Variants in RP1 observed in about 807,000 individuals in gnomAD.
RP1 encodes oxygen-regulated protein 1.
A neutral mutation model predicts 14.8 loss-of-function variants in RP1; 16 were observed. The ratio of observed to expected loss-of-function variants is 1.08; its 90% CI spans 0.73 to 1.65. The LOEUF is 1.65. Ranked by LOEUF, RP1 falls within the 40% of genes most tolerant of loss-of-function variation. The pLI is 0.00. For missense variants in RP1, 2,631 were observed against 2,535.0 expected, an observed-to-expected ratio of 1.04 and a Z score of -0.81; for synonymous variants, 876 against 883.6, an observed-to-expected ratio of 0.99 and a Z score of 0.15.
chr8:54,761,847 C>T (rs527819515), intron 22 of RP1, among the ~76,000 whole-genome samples: 3 of 152,220 alleles, frequency 2.0e-5, no homozygotes, highest in African/African-American at 7.2e-5. Flanking sequence ...GAGACAGTTC[C>T]TACTTCCTTA....
intron 16 of RP1, among the ~76,000 whole-genome samples, chr8:54,725,404 T>C (rs1201725715): frequency 1.3e-5 from 2 of 152,192 alleles, no homozygotes; most frequent in Non-Finnish European, 2.9e-5. Flanking sequence ...AAGCTTATTA[T>C]TGTCTGAAAT....
intron 3 of RP1, 90 bp downstream of exon 3, chr8:54,622,378 T>A: frequency 9.4e-7 from 1 of 1,067,806 alleles, no homozygotes; most frequent in South Asian, 1.3e-5. Context: ...CAATGACCAG[T>A]TTCTTCCACC....
At chr8:54,711,111 A>G (rs755200245) in intron 15 of RP1, among the ~76,000 whole-genome samples, 42 of 152,278 alleles carry the variant, frequency 2.8e-4, no homozygotes, top group Non-Finnish European at 5.3e-4. Flanking sequence ...TCCCCAGAAT[A>G]AGGTGAGGTG....
At chr8:54,819,763 C>T (rs980914303) in intron 24 of RP1, among the ~76,000 whole-genome samples, 3 of 152,066 alleles carry the variant, frequency 2.0e-5, no homozygotes, top group African/African-American at 7.2e-5. Flanking sequence ...GGGTAAGATC[C>T]AGAAAATTTA....
intron 12 of RP1, among the ~76,000 whole-genome samples, chr8:54,681,653 C>A (rs1398426631): frequency 6.6e-6 from 1 of 151,900 alleles, no homozygotes; most frequent in Non-Finnish European, 1.5e-5. Flanking sequence ...TTAAGCCCAG[C>A]ATCCTCTAGC....
intron 16 of RP1, among the ~76,000 whole-genome samples, chr8:54,725,707 A>G (rs1163224201): frequency 1.3e-5 from 2 of 152,164 alleles, no homozygotes; most frequent in South Asian, 2.1e-4. Flanking sequence ...GTGAATTACC[A>G]CCATTTAAAA....
intron 15 of RP1, among the ~76,000 whole-genome samples, chr8:54,718,451 G>A (rs1381460171): frequency 6.6e-6 from 1 of 152,142 alleles, no homozygotes; most frequent in Admixed American, 6.5e-5. Context: ...AGGAGCAAAG[G>A]GAACTCAATG....
intron 24 of RP1, among the ~76,000 whole-genome samples, chr8:54,820,737 C>T (rs946865717): frequency 1.3e-5 from 2 of 152,216 alleles, no homozygotes; most frequent in Middle Eastern, 3.4e-3. Flanking sequence ...CCAGGTACTG[C>T]GATCACTCAT....
chr8:54,620,303 T>C (rs1350002231), intron 1 of RP1, among the ~76,000 whole-genome samples: 2 of 152,202 alleles, frequency 1.3e-5, no homozygotes, highest in African/African-American at 4.8e-5. Flanking sequence ...ACCTTTTCTA[T>C]GTTTAGATAT....
chr8:54,603,693 TTGTA>T (rs1805352515), intron 1 of RP1, among the ~76,000 whole-genome samples: 1 of 152,226 alleles, frequency 6.6e-6, no homozygotes. Flanking sequence ...TTCCATTTGT[TTGTA>T]TCCTCTTTTA....
chr8:54,584,981 G>C (rs1417279841), intron 1 of RP1, among the ~76,000 whole-genome samples: 1 of 152,130 alleles, frequency 6.6e-6, no homozygotes, highest in Non-Finnish European at 1.5e-5. Flanking sequence ...CTTTTAATTG[G>C]AGCATTTAGC....
intron 15 of RP1, among the ~76,000 whole-genome samples, chr8:54,717,643 A>G (rs537833261): frequency 1.3e-5 from 2 of 152,340 alleles, no homozygotes; most frequent in Admixed American, 1.3e-4. Context: ...AGCTAATATT[A>G]TACTTAATAG....
At chr8:54,849,433 C>CA (rs1297484074) in intron 25 of RP1, among the ~76,000 whole-genome samples, 2 of 152,146 alleles carry the variant, frequency 1.3e-5, no homozygotes, top group East Asian at 3.9e-4. Context: ...CCCCCTTCCC[C>CA]AACCATGTGA....
At chr8:54,753,617 C>A (rs1450141446) in intron 19 of RP1, among the ~76,000 whole-genome samples, 1 of 152,090 alleles carries the variant, frequency 6.6e-6, no homozygotes, top group African/African-American at 2.4e-5. Flanking sequence ...GAACCATGAA[C>A]AGATCAGTAC....
intron 25 of RP1, among the ~76,000 whole-genome samples, chr8:54,849,208 C>T (rs1812003033): frequency 1.3e-5 from 2 of 151,962 alleles, no homozygotes; most frequent in African/African-American, 4.8e-5. Flanking sequence ...CTACAGTTCA[C>T]CTGTGCATTC....
intron 7 of RP1, among the ~76,000 whole-genome samples, chr8:54,669,177 A>C (rs1807085654): frequency 6.6e-6 from 1 of 152,212 alleles, no homozygotes; most frequent in Non-Finnish European, 1.5e-5. Context: ...AAACAAATTT[A>C]CAAGAAAAAA....
At chr8:54,567,650 C>T (rs1333095472) in intron 1 of RP1, among the ~76,000 whole-genome samples, 2 of 152,056 alleles carry the variant, frequency 1.3e-5, no homozygotes, top group Non-Finnish European at 2.9e-5. Flanking sequence ...AATCACCCTT[C>T]TTTTGTGTGG....
At chr8:54,641,677 A>C (rs550547541) in intron 3 of RP1, among the ~76,000 whole-genome samples, 1 of 152,286 alleles carries the variant, frequency 6.6e-6, no homozygotes, top group East Asian at 1.9e-4. Flanking sequence ...TCTCATGAGA[A>C]TGCGTGGTCT....
At chr8:54,664,950 C>T (rs574450519) in intron 7 of RP1, among the ~76,000 whole-genome samples, 19 of 152,152 alleles carry the variant, frequency 1.2e-4, no homozygotes, top group Admixed American at 3.9e-4. Context: ...ACAATATACC[C>T]GGTTAACACA....
Sources: allele counts gnomAD v4.1 joint callset (sites outside exome capture counted in the v4.1 genomes callset), GRCh38; gene constraint gnomAD v4.1.1; transcripts MANE v1.5; gene names NCBI Gene and HGNC (gene_info 2026-07-23, HGNC 2026-07-21).